The following CTNND2 variants were observed in gnomAD, a reference collection of about 807,000 sequenced individuals.
CTNND2 encodes the protein catenin delta 2.
CTNND2 carries 22 observed loss-of-function variants against 144.4 expected under a neutral mutation model. The ratio of observed to expected loss-of-function variants is 0.15; its 90% CI spans 0.11 to 0.22. The LOEUF (loss-of-function observed/expected upper bound fraction) is 0.22. Among genes scored for constraint, CTNND2 ranks in the 10% least tolerant of loss-of-function variants. The pLI, the probability that CTNND2 is intolerant of heterozygous loss-of-function variation, is 1.00. For missense variants in CTNND2, 1,353 were observed against 1,618.8 expected, an observed-to-expected ratio of 0.84 and a Z score of 2.82; for synonymous variants, 751 against 695.6, an observed-to-expected ratio of 1.08 and a Z score of -1.25.
chr5:11,430,720 C>A (rs538156165), intron 3 of CTNND2, among the ~76,000 whole-genome samples: 14 of 152,300 alleles, frequency 9.2e-5, no homozygotes, highest in African/African-American at 2.6e-4. Context: ...TCACCACCAC[C>A]AACATTATTC....
chr5:11,826,859 T>G (rs1793629115), intron 1 of CTNND2, among the ~76,000 whole-genome samples: 1 of 151,882 alleles, frequency 6.6e-6, no homozygotes, highest in Non-Finnish European at 1.5e-5. Flanking sequence ...AAGAAAAAGA[T>G]AAAATCCATA....
At chr5:11,735,251 A>T (rs886898514) in intron 1 of CTNND2, among the ~76,000 whole-genome samples, 4 of 152,262 alleles carry the variant, frequency 2.6e-5, no homozygotes, top group Non-Finnish European at 4.4e-5. Flanking sequence ...TATGTATTCA[A>T]CATGCTTTCT....
intron 11 of CTNND2, among the ~76,000 whole-genome samples, chr5:11,186,742 A>T (rs1735670360): frequency 6.6e-6 from 1 of 152,204 alleles, no homozygotes; most frequent in East Asian, 1.9e-4. Context: ...GTGAAAATCT[A>T]GGGTCCAGAA....
Position 11,110,873 on chromosome 5 carries a change from C to G in CTNND2, c.2448G>C (p.Lys816Asn). 6.2e-7 allele frequency: 1 copy of G among 1,612,952 alleles called. No homozygotes were observed. The highest frequency in any genetic ancestry group is 8.5e-7 in the Non-Finnish European group (1 of 1,179,844). Residue 816 changes from lysine (K) to asparagine (N), a missense_variant, in exon 14 of 22, where the codon AAG becomes AAC. This residue lies in a region of CTNND2 where 459 missense variants were observed against 674.3 expected (regional missense o/e 0.68). Transcript: ENST00000304623. ...SGCWGKKKKK[K>N]KSQDQWDGVG... ...CCTGCATCACCTGATCTTGGGATTT[C>G]TTTTTCTTCTTCTTCTTGCCCCAGC...
chr5:11,664,422 C>T (rs754186141), intron 2 of CTNND2, among the ~76,000 whole-genome samples: 3 of 152,228 alleles, frequency 2.0e-5, no homozygotes, highest in East Asian at 1.9e-4. Context: ...GAAACCCCAT[C>T]GCTACTAAAA....
At chr5:11,689,576 A>G (rs1784804276) in intron 2 of CTNND2, among the ~76,000 whole-genome samples, 1 of 152,216 alleles carries the variant, frequency 6.6e-6, no homozygotes, top group Non-Finnish European at 1.5e-5. Context: ...TGTACAGAAT[A>G]TTGTCACTTA....
rs555526100 is a variant in CTNND2 at position 11,575,630 on chromosome 5, C to T, written c.175-10574G>A. 2.6e-5 allele frequency among the ~76,000 whole-genome samples: 4 copies of T among 152,246 alleles called. No homozygotes were observed. The South Asian group carries it at 8.3e-4, about 32-fold the overall frequency. ...GTTGAAACTTAAATAGCTAAATATCCATATCAATGGAATAATTATACATGC... is the reference window on the plus strand; with the variant it reads ...GTTGAAACTTAAATAGCTAAATATCTATATCAATGGAATAATTATACATGC... On this transcript the variant is annotated intron_variant, in intron 2 of 21. Transcript: ENST00000304623.
intron 1 of CTNND2, among the ~76,000 whole-genome samples, chr5:11,815,954 T>C (rs1792610764): frequency 6.6e-6 from 1 of 152,074 alleles, no homozygotes; most frequent in Non-Finnish European, 1.5e-5. Flanking sequence ...CTGAGATACA[T>C]GGGAGTGCCT....
intron 8 of CTNND2, among the ~76,000 whole-genome samples, chr5:11,351,564 C>T (rs762691304): frequency 7.9e-5 from 12 of 152,126 alleles, no homozygotes; most frequent in Non-Finnish European, 1.2e-4. Flanking sequence ...GGGGAAGAGG[C>T]ATCCTTTTTA....
At chr5:11,112,763 T>C (rs1295914752) in intron 13 of CTNND2, among the ~76,000 whole-genome samples, 3 of 152,202 alleles carry the variant, frequency 2.0e-5, no homozygotes, top group Non-Finnish European at 4.4e-5. Flanking sequence ...GGGCCTACCA[T>C]TTCACAAGCT....
intron 3 of CTNND2, among the ~76,000 whole-genome samples, chr5:11,421,606 T>G (rs1762371427): frequency 6.6e-6 from 1 of 151,984 alleles, no homozygotes. Context: ...GGGGCCAATA[T>G]GGGGAAATGG....
chr5:11,405,709 G>C (rs927722069), intron 5 of CTNND2, among the ~76,000 whole-genome samples: 2 of 152,152 alleles, frequency 1.3e-5, no homozygotes, highest in Non-Finnish European at 2.9e-5. Context: ...TTTTCCCTCA[G>C]CTTTTGCCCT....
chr5:11,737,013 A>C (rs1787718578), intron 1 of CTNND2, among the ~76,000 whole-genome samples: 1 of 148,504 alleles, frequency 6.7e-6, no homozygotes, highest in African/African-American at 2.5e-5. Context: ...GTACATGTTG[A>C]AAGTTATCTA....
intron 1 of CTNND2, among the ~76,000 whole-genome samples, chr5:11,797,802 T>C (rs1439771002): frequency 6.6e-6 from 1 of 152,240 alleles, no homozygotes; most frequent in African/African-American, 2.4e-5. Flanking sequence ...ATTTGTAGTA[T>C]AGTTGCTTGA....
intron 1 of CTNND2, among the ~76,000 whole-genome samples, chr5:11,809,502 T>G (rs183653216): frequency 6.6e-6 from 1 of 152,308 alleles, no homozygotes; most frequent in Admixed American, 6.5e-5. Context: ...CCATAAACCA[T>G]GAATCTAACA....
chr5:11,506,630 T>G (rs545111042), intron 3 of CTNND2, among the ~76,000 whole-genome samples: 2 of 152,370 alleles, frequency 1.3e-5, no homozygotes, highest in South Asian at 2.1e-4. Flanking sequence ...CATTTTAGTA[T>G]GCATATGTGT....
At chr5:11,491,000 T>G (rs1311555081) in intron 3 of CTNND2, among the ~76,000 whole-genome samples, 1 of 151,922 alleles carries the variant, frequency 6.6e-6, no homozygotes, top group Non-Finnish European at 1.5e-5. Context: ...AAAATAAAAT[T>G]AAAAATAAGA....
intron 6 of CTNND2, among the ~76,000 whole-genome samples, chr5:11,392,980 C>T (rs1339505223): frequency 1.3e-5 from 2 of 152,074 alleles, no homozygotes; most frequent in African/African-American, 4.8e-5. Flanking sequence ...CTTGCTCTTC[C>T]TTCAACTTCC....
chr5:11,869,144 C>G (rs1393282297), intron 1 of CTNND2, among the ~76,000 whole-genome samples: 1 of 152,146 alleles, frequency 6.6e-6, no homozygotes, highest in African/African-American at 2.4e-5. Flanking sequence ...GCATTGCTAA[C>G]AGGCATGTGA....
Sources: gnomAD v4.1 joint callset for allele counts (sites outside exome capture counted in the v4.1 genomes callset) on GRCh38, gnomAD v4.1.1 for gene constraint, gnomAD v4.1.1 regional missense constraint, MANE v1.5 for transcripts, NCBI Gene and HGNC (gene_info 2026-07-23, HGNC 2026-07-21) for gene names.